KIAA0586: variants seen among roughly 807,000 people sequenced by gnomAD.
KIAA0586 encodes protein TALPID3.
A neutral mutation model predicts 169.8 loss-of-function variants in KIAA0586; 144 were observed. The observed-to-expected ratio is 0.85, with a 90% CI of 0.74 to 0.97. The LOEUF (loss-of-function observed/expected upper bound fraction) is 0.97. KIAA0586 is among the 50% of genes least tolerant of loss of function. The pLI is 0.00. For missense variants in KIAA0586, 1,854 were observed against 1,823.0 expected, an observed-to-expected ratio of 1.02 and a Z score of -0.31; for synonymous variants, 625 against 612.4, an observed-to-expected ratio of 1.02 and a Z score of -0.30.
Position 58,507,241 on chromosome 14 carries a change from T to TTA in KIAA0586, c.4169-1307_4169-1306dup, listed in dbSNP as rs1337487462. Among the ~76,000 whole-genome samples, 225 of 8,874 alleles carry TTA rather than the reference T, an allele frequency of 0.025. 3 individuals carry two copies. In the South Asian group the frequency reaches 0.34, roughly 13 times the overall value. The allele number at this position is 8,874 out of a possible 152,430, so 5.8% of individuals were successfully genotyped here. ...TATATAAATCATCTATATGTATGAT[T>TTA]TATATATAAATCATGTATGATTTAT... On this transcript the variant is annotated intron_variant, in intron 27 of 30. Coordinates refer to ENST00000652326, the MANE Select transcript of KIAA0586 (RefSeq NM_001329943.3).
chr14:58,496,796 G>A (rs1460060331), intron 26 of KIAA0586, among the ~76,000 whole-genome samples: 3 of 151,990 alleles, frequency 2.0e-5, no homozygotes, highest in African/African-American at 2.4e-5. Flanking sequence ...GAGAAACATG[G>A]GAGCTTTCAG....
intron 9 of KIAA0586, among the ~76,000 whole-genome samples, chr14:58,454,701 C>T (rs900619429): frequency 2.6e-5 from 4 of 152,186 alleles, no homozygotes; most frequent in Non-Finnish European, 5.9e-5. Flanking sequence ...GTTGTGGAAG[C>T]TGGAAGTTCA....
intron 30 of KIAA0586, 98 bp from the exon 31 acceptor site, chr14:58,547,683 C>A: frequency 2.5e-6 from 2 of 794,212 alleles, no homozygotes; most frequent in Non-Finnish European, 3.9e-6. Context: ...TTGGAATCCG[C>A]GCCCCCCCAC....
chr14:58,475,120 C>A lies in KIAA0586; in HGVS notation c.2825+323C>A, dbSNP rs748687437. The stretch of plus-strand genomic sequence containing the variant: ...GAAGTAATTATGGTTTGCTGCTAGG[C>A]CAGGGCCACGAACCAGTACCAGTCT... On this transcript the variant is annotated intron_variant, in intron 19 of 30. Coordinates refer to ENST00000652326, the MANE Select transcript of KIAA0586 (RefSeq NM_001329943.3). 9.9e-4 allele frequency among the ~76,000 whole-genome samples: 151 copies of A among 152,192 alleles called. 2 individuals are homozygous for A. Among genetic ancestry groups the A allele is most frequent in the East Asian group, 5.8e-4 (3 of 5,202 alleles).
chr14:58,474,687 A>C lies in KIAA0586; in HGVS notation c.2715A>C (p.Lys905Asn). 6.2e-7 allele frequency: 1 copy of C among 1,613,460 alleles called. No homozygotes were observed. The highest frequency in any genetic ancestry group is 8.5e-7 in the Non-Finnish European group (1 of 1,179,600). ...GAAGTGTTAAAGCTGATTCTACAAA[A>C]TATAATGGTCCTCCATTTCCGCCAG... ...FNRSVKADST[K>N]YNGPPFPPVA... is the part of the protein sequence containing the mutation. Residue 905 changes from lysine to asparagine, a missense_variant, in exon 19 of 31, where the codon AAA becomes AAC. Lys to Asn is a moderately conservative substitution (Grantham distance 94). Transcript: ENST00000652326.
intron 29 of KIAA0586, among the ~76,000 whole-genome samples, chr14:58,519,363 C>G (rs1289210275): frequency 6.6e-6 from 1 of 152,150 alleles, no homozygotes; most frequent in Admixed American, 6.5e-5. Context: ...CCCCAGCTTC[C>G]ATGTAGCTAG....
chr14:58,480,152 T>C (rs1399034682), intron 20 of KIAA0586, among the ~76,000 whole-genome samples: 3 of 152,136 alleles, frequency 2.0e-5, no homozygotes, highest in African/African-American at 7.2e-5. Context: ...TTGGTCCTTA[T>C]AGGTTGGCCT....
chr14:58,461,081 A>G lies in KIAA0586; in HGVS notation c.1980A>G (p.Lys660=). 6.2e-7 allele frequency: 1 copy of G among 1,612,558 alleles called. No homozygotes were observed. The highest frequency in any genetic ancestry group is 1.1e-5 in the South Asian group (1 of 90,836). ...ATCAGGGCCATCGAAGCACTCTTAA[A>G]AAAGGACCATATCTCAGATTTAATT... The part of the protein sequence containing the change: ...PVYQGHRSTL[K]KGPYLRFNSP... Residue 660 remains lysine (K), a synonymous_variant, in exon 14 of 31, where the codon AAA becomes AAG. Transcript: ENST00000652326.
Position 58,487,937 on chromosome 14 carries a change from A to C in KIAA0586, c.3355A>C (p.Thr1119Pro). The change falls in exon 23 of 31, where the codon ACT becomes CCT. Residue 1119 changes from threonine to proline, a missense_variant. By Grantham distance (38) the Thr-to-Pro change is conservative. Transcript: ENST00000652326. Reference sequence around the variant, plus strand: ...TGTTAATACTCCAACAGTTACCCCTACTACTACACCTCCTCCAGCGGCGGC... The same window carrying C: ...TGTTAATACTCCAACAGTTACCCCTCCTACTACACCTCCTCCAGCGGCGGC... ...MLVNTPTVTP[T>P]TTPPPAAAVF... 1 of 1,613,588 alleles carries C rather than the reference A, an allele frequency of 6.2e-7. No homozygotes were observed. Among genetic ancestry groups the C allele is most frequent in the Non-Finnish European group, 8.5e-7 (1 of 1,179,774 alleles).
rs1016216489 is a variant in KIAA0586, at chr14:58,518,307, G to A, written c.4429+5680G>A. Among the ~76,000 whole-genome samples, 4 of 152,214 alleles carry A rather than the reference G, an allele frequency of 2.6e-5. No homozygotes were observed. The South Asian group carries it at 8.3e-4, about 32-fold the overall frequency. On this transcript the variant is annotated intron_variant, in intron 29 of 30. Coordinates refer to ENST00000652326, the MANE Select transcript of KIAA0586 (RefSeq NM_001329943.3). ...TTAACACTTTAGGAGGAGATAGTTT[G>A]ATGTATTTTATAATACAGTATATTT... is the stretch of plus-strand genomic sequence containing the variant.
At chr14:58,481,486 G>A (rs777646234) in intron 20 of KIAA0586, among the ~76,000 whole-genome samples, 39 of 152,244 alleles carry the variant, frequency 2.6e-4, no homozygotes, top group Non-Finnish European at 4.7e-4. Context: ...AGGAAGGGAG[G>A]TTTGCCTTTA....
chr14:58,527,082 A>T (rs1197970192), intron 29 of KIAA0586, among the ~76,000 whole-genome samples: 3 of 152,074 alleles, frequency 2.0e-5, no homozygotes, highest in Non-Finnish European at 4.4e-5. Flanking sequence ...AGCCAGATTG[A>T]TCAAGCGGAA....
chr14:58,476,894 A>G (rs1479049439), intron 19 of KIAA0586, among the ~76,000 whole-genome samples: 2 of 152,172 alleles, frequency 1.3e-5, no homozygotes, highest in African/African-American at 4.8e-5. Flanking sequence ...CCTGAGCTCA[A>G]GCAATCTGCC....
intron 19 of KIAA0586, among the ~76,000 whole-genome samples, chr14:58,476,435 C>G (rs897692970): frequency 7.9e-5 from 12 of 152,032 alleles, no homozygotes; most frequent in Non-Finnish European, 1.5e-4. Flanking sequence ...GAAAGGGCAG[C>G]TGGACATCTT....
At chr14:58,489,800 T>C (rs994845516) in intron 24 of KIAA0586, among the ~76,000 whole-genome samples, 1 of 37,140 alleles carries the variant, frequency 2.7e-5, no homozygotes, top group African/African-American at 8.1e-5. Context: ...CAACATGCTT[T>C]CTAGAAAGGA....
At chr14:58,447,539 G>A (rs762365009) in intron 6 of KIAA0586, among the ~76,000 whole-genome samples, 12 of 151,600 alleles carry the variant, frequency 7.9e-5, no homozygotes, top group Non-Finnish European at 1.8e-4. Flanking sequence ...GGAGTGTAGT[G>A]GCACCATTTC....
At chr14:58,561,621 C>T in the KIAA0586 span, among the ~76,000 whole-genome samples, 3 of 151,938 alleles carry the variant, frequency 2.0e-5, no homozygotes, top group Admixed American at 2.0e-4. Flanking sequence ...AATTATCCAC[C>T]TAGGATGAGA....
At chr14:58,524,002 G>A (rs900986202) in intron 29 of KIAA0586, among the ~76,000 whole-genome samples, 2 of 152,122 alleles carry the variant, frequency 1.3e-5, no homozygotes, top group African/African-American at 4.8e-5. Context: ...AAATTAGGCA[G>A]ACTATTTCAA....
intron 4 of KIAA0586, chr14:58,433,475 G>A (rs972481800): frequency 6.6e-6 from 1 of 152,112 alleles, no homozygotes; most frequent in African/African-American, 2.4e-5. Flanking sequence ...TCCTTTTGTT[G>A]TCTTTAACAT....
Sources: allele counts gnomAD v4.1 joint callset (sites outside exome capture counted in the v4.1 genomes callset), GRCh38; gene constraint gnomAD v4.1.1; transcripts MANE v1.5; gene names NCBI Gene and HGNC (gene_info 2026-07-23, HGNC 2026-07-21).